EPHA6: variants seen among roughly 807,000 people sequenced by gnomAD.
EPHA6 encodes the protein EPH receptor A6.
EPHA6 carries 50 observed loss-of-function variants against 112.0 expected under a neutral mutation model. The ratio of observed to expected loss-of-function variants is 0.45; its 90% confidence interval spans 0.36 to 0.56. EPHA6 has a LOEUF of 0.56. Ranked by LOEUF, EPHA6 falls within the 20% of genes least tolerant of loss-of-function variation. The pLI, the probability that EPHA6 is intolerant of heterozygous loss-of-function variation, is 0.00. For missense variants in EPHA6, 1,280 were observed against 1,417.4 expected, an observed-to-expected ratio of 0.90 and a Z score of 1.56; for synonymous variants, 529 against 490.7, an observed-to-expected ratio of 1.08 and a Z score of -1.03.
intron 10 of EPHA6, among the ~76,000 whole-genome samples, chr3:97,520,417 C>T (rs1460908104): frequency 6.6e-6 from 1 of 152,164 alleles, no homozygotes; most frequent in Admixed American, 6.5e-5. Context: ...TTAATTCCCT[C>T]TGCTTTTCTT....
At chr3:96,948,838 A>G (rs1018751065) in intron 2 of EPHA6, among the ~76,000 whole-genome samples, 10 of 152,328 alleles carry the variant, frequency 6.6e-5, no homozygotes, top group South Asian at 2.1e-4. Flanking sequence ...GGAATAAGGT[A>G]CAAAAGACTA....
chr3:97,337,637 T>G (rs576780701), intron 5 of EPHA6, among the ~76,000 whole-genome samples: 1 of 152,276 alleles, frequency 6.6e-6, no homozygotes, highest in East Asian at 1.9e-4. Context: ...CCTTTCCCAC[T>G]TATGGTAGCA....
chr3:97,672,849 T>A (rs1371375619), intron 14 of EPHA6, among the ~76,000 whole-genome samples: 1 of 152,218 alleles, frequency 6.6e-6, no homozygotes, highest in Non-Finnish European at 1.5e-5. Flanking sequence ...GAACTATGTA[T>A]TTTTTCTTAA....
chr3:96,881,935 T>C (rs550928088), intron 2 of EPHA6, among the ~76,000 whole-genome samples: 84 of 152,222 alleles, frequency 5.5e-4, no homozygotes, highest in Middle Eastern at 3.4e-3. Flanking sequence ...ATCCAGGTCA[T>C]GTTTATGTAA....
intron 13 of EPHA6, among the ~76,000 whole-genome samples, chr3:97,625,673 T>C (rs1262888563): frequency 4.0e-5 from 6 of 151,778 alleles, no homozygotes; most frequent in Non-Finnish European, 8.9e-5. Flanking sequence ...TTTTGTTTCA[T>C]ATATTTTGAT....
intron 3 of EPHA6, among the ~76,000 whole-genome samples, chr3:97,127,217 G>T (rs143564978): frequency 6.6e-6 from 1 of 152,158 alleles, no homozygotes; most frequent in African/African-American, 2.4e-5. Context: ...TGTACAAAGG[G>T]ATATGATCTA....
At position 96,954,773 on chromosome 3, in the gene EPHA6, C is replaced by CTT. The variant is rs10612575; in HGVS notation, c.451-32527_451-32526dup. On this transcript the variant is annotated intron_variant, in intron 2 of 17. Transcript: ENST00000389672. Reference sequence around the variant, plus strand: ...TAGTCTTAAATTTTTACTGGTGTGCCTTTTTTTTTTTTTTTTTTTTTTTTT... The same window carrying CTT: ...TAGTCTTAAATTTTTACTGGTGTGCCTTTTTTTTTTTTTTTTTTTTTTTTTTT... 5.5e-3 allele frequency among the ~76,000 whole-genome samples: 398 copies of CTT among 72,708 alleles called. 56 individuals carry two copies. The highest frequency in any genetic ancestry group is 7.0e-3 in the Non-Finnish European group (278 of 39,828). 47.7% of individuals were successfully genotyped at this position (72,708 alleles called of 152,430 possible). A position where few individuals can be genotyped will look rare whatever the true frequency, so the allele number is the denominator to read the frequency against.
intron 7 of EPHA6, among the ~76,000 whole-genome samples, chr3:97,465,811 A>G (rs1359050675): frequency 6.6e-6 from 1 of 152,076 alleles, no homozygotes; most frequent in African/African-American, 2.4e-5. Context: ...ATGTTACCAT[A>G]AACTGTGAAA....
At chr3:97,661,251 A>G (rs928821664) in intron 14 of EPHA6, among the ~76,000 whole-genome samples, 8 of 152,150 alleles carry the variant, frequency 5.3e-5, no homozygotes, top group Non-Finnish European at 1.2e-4. Flanking sequence ...TTCAGAGTGA[A>G]AAGAATTGTA....
chr3:97,625,503 A>G (rs896185399), intron 13 of EPHA6, among the ~76,000 whole-genome samples: 6 of 151,294 alleles, frequency 4.0e-5, no homozygotes, highest in Non-Finnish European at 8.9e-5. Flanking sequence ...ATTTTGTTCT[A>G]TTTTTCTTGG....
chr3:97,144,122 T>C (rs1311834700), intron 3 of EPHA6, among the ~76,000 whole-genome samples: 1 of 151,710 alleles, frequency 6.6e-6, no homozygotes, highest in East Asian at 1.9e-4. Context: ...TCCCTGGCTC[T>C]GTTTGTGAGG....
chr3:97,092,076 G>A (rs1176416153), intron 3 of EPHA6, among the ~76,000 whole-genome samples: 1 of 147,764 alleles, frequency 6.8e-6, no homozygotes, highest in East Asian at 2.0e-4. Flanking sequence ...GCTATATTTT[G>A]GTTAACAAGG....
chr3:97,392,949 A>G (rs2086499485), intron 5 of EPHA6, among the ~76,000 whole-genome samples: 1 of 151,804 alleles, frequency 6.6e-6, no homozygotes, highest in African/African-American at 2.4e-5. Context: ...TTTAAAACCT[A>G]TTTTAAAATT....
Position 97,371,195 on chromosome 3 carries a change from G to A in EPHA6, c.1607-33955G>A, listed in dbSNP as rs553361307. 2.6e-5 allele frequency among the ~76,000 whole-genome samples: 4 copies of A among 151,842 alleles called. No individual in the cohort carries two copies. The South Asian group carries it at 8.3e-4, about 32-fold the overall frequency. On this transcript the variant is annotated intron_variant, in intron 5 of 17. Coordinates refer to ENST00000389672, the MANE Select transcript of EPHA6 (RefSeq NM_001080448.3). ...GTTTTATGCTAAAATTACAATAGAT[G>A]CAAGCTTTATGTTTTTAAATTTACT...
chr3:97,430,800 G>T (rs552592929), intron 6 of EPHA6, among the ~76,000 whole-genome samples: 2 of 152,146 alleles, frequency 1.3e-5, no homozygotes, highest in South Asian at 2.1e-4. Context: ...CAGAACTCTT[G>T]TAAGGGAGGC....
chr3:97,590,839 G>A (rs980982925), intron 11 of EPHA6, among the ~76,000 whole-genome samples: 3 of 152,100 alleles, frequency 2.0e-5, no homozygotes, highest in African/African-American at 2.4e-5. Flanking sequence ...ACCCCACTTG[G>A]TATTCAATGA....
intron 4 of EPHA6, among the ~76,000 whole-genome samples, chr3:97,238,232 G>A (rs1243098280): frequency 1.3e-5 from 2 of 151,730 alleles, no homozygotes; most frequent in Non-Finnish European, 2.9e-5. Context: ...TTCTCTTATG[G>A]GTCTTTATTA....
chr3:96,940,784 G>A (rs1576111433), intron 2 of EPHA6, among the ~76,000 whole-genome samples: 1 of 152,198 alleles, frequency 6.6e-6, no homozygotes, highest in Non-Finnish European at 1.5e-5. Context: ...GCTCTTTTAG[G>A]GCAGGCCTGG....
At chr3:97,175,003 T>G (rs1355584407) in intron 3 of EPHA6, among the ~76,000 whole-genome samples, 1 of 151,934 alleles carries the variant, frequency 6.6e-6, no homozygotes, top group Non-Finnish European at 1.5e-5. Flanking sequence ...TACCCCAAAG[T>G]TTTCTTGTAG....
Sources: allele counts gnomAD v4.1 joint callset (sites outside exome capture counted in the v4.1 genomes callset), GRCh38; gene constraint gnomAD v4.1.1; transcripts MANE v1.5; gene names NCBI Gene and HGNC (gene_info 2026-07-23, HGNC 2026-07-21).